The following CLHC1 variants were observed in gnomAD, a reference collection of about 807,000 sequenced individuals.
CLHC1 encodes the protein clathrin heavy chain linker domain-containing protein 1.
A neutral mutation model predicts 69.5 loss-of-function variants in CLHC1; 72 were observed. The observed-to-expected ratio is 1.04, with a 90% CI of 0.86 to 1.26. The LOEUF (loss-of-function observed/expected upper bound fraction) is 1.26, where lower values mean the gene tolerates loss of function less well. Among genes scored for constraint, CLHC1 ranks in the 50% most tolerant of loss-of-function variants. CLHC1 has a pLI of 0.00. For synonymous variants in CLHC1, 223 were observed against 224.3 expected (o/e 0.99, Z 0.05); for missense variants, 790 against 679.3 (o/e 1.16, Z -1.81).
intron 4 of CLHC1, chr2:55,215,224 A>G (rs1222492459): frequency 6.6e-6 from 1 of 152,228 alleles, no homozygotes; most frequent in Non-Finnish European, 1.5e-5. Context: ...TACAGAATAT[A>G]TTTTTAAAAA....
intron 1 of CLHC1, among the ~76,000 whole-genome samples, chr2:55,228,759 G>A (rs1674959535): frequency 6.6e-6 from 1 of 152,178 alleles, no homozygotes; most frequent in Non-Finnish European, 1.5e-5. Flanking sequence ...CCTATTGTTT[G>A]TCTGCCATTA....
intron 3 of CLHC1, among the ~76,000 whole-genome samples, 192 bp downstream of exon 3, chr2:55,222,043 G>A (rs534319749): frequency 3.3e-5 from 5 of 152,160 alleles, no homozygotes; most frequent in Non-Finnish European, 7.3e-5. Context: ...CTCATTCACA[G>A]TCAGGAAATA....
rs1239862152 is a variant in CLHC1 at position 55,175,604 on chromosome 2, G to A, written c.*186C>T. 3.8e-6 allele frequency: 2 copies of A among 528,966 alleles called. No homozygotes were observed. The highest frequency in any genetic ancestry group is 6.7e-6 in the Non-Finnish European group (2 of 299,464). The allele number at this position is 528,966 out of a possible 1,614,324, so 32.8% of individuals were successfully genotyped here. Reference sequence around the variant, plus strand: ...TCAATATAAGAAATGACCATATGGGGAAAAGGAAGCAATAGTATAAATATT... The same window carrying A: ...TCAATATAAGAAATGACCATATGGGAAAAAGGAAGCAATAGTATAAATATT... On this transcript the variant is annotated 3_prime_UTR_variant, in exon 13 of 13. Coordinates refer to ENST00000401408, the MANE Select transcript of CLHC1 (RefSeq NM_152385.4).
intron 8 of CLHC1, among the ~76,000 whole-genome samples, chr2:55,207,735 G>GA (rs1672585042): frequency 6.6e-6 from 1 of 152,124 alleles, no homozygotes; most frequent in South Asian, 2.1e-4. Flanking sequence ...AAAAAGGAGG[G>GA]AAAAGGAATT....
At chr2:55,177,063 C>T (rs965215458) in intron 12 of CLHC1, among the ~76,000 whole-genome samples, 25 of 152,102 alleles carry the variant, frequency 1.6e-4, no homozygotes, top group Admixed American at 9.8e-4. Context: ...CATAGAGACA[C>T]GGTTTTGCCA....
At chr2:55,221,017 C>T (rs1322185321) in intron 3 of CLHC1, among the ~76,000 whole-genome samples, 3 of 152,148 alleles carry the variant, frequency 2.0e-5, no homozygotes, top group African/African-American at 7.2e-5. Flanking sequence ...ATCAACTTTC[C>T]TTATTCTACT....
intron 8 of CLHC1, 92 bp from the exon 9 acceptor site, chr2:55,206,468 G>T: frequency 1.4e-6 from 1 of 708,982 alleles, no homozygotes. Flanking sequence ...TAAATATAGC[G>T]GCATAACGAT....
At chr2:55,195,518 ATGGCCGGGCATGGC>A (rs1293189318) in intron 9 of CLHC1, among the ~76,000 whole-genome samples, 1 of 152,138 alleles carries the variant, frequency 6.6e-6, no homozygotes, top group Non-Finnish European at 1.5e-5. Context: ...AACTGTCTAC[ATGGCCGGGCATGGC>A]GGCTCACACC....
intron 4 of CLHC1, among the ~76,000 whole-genome samples, chr2:55,214,065 G>A (rs1673257146): frequency 6.6e-6 from 1 of 152,154 alleles, no homozygotes; most frequent in African/African-American, 2.4e-5. Context: ...TTGCTTCACA[G>A]GATTCTTGCT....
In CLHC1 at chr2:55,175,917, A is replaced by G. The variant is rs181161794; in HGVS notation, c.1634T>C (p.Ile545Thr). ...SIEKWQEVAN[I>T]CSQNGFDKLS... The stretch of plus-strand genomic sequence containing the variant: ...TTTGTCAAAGCCATTCTGTGAACAT[A>G]TATTTGCCACTTCTTGCCACTTTTC... Residue 545 changes from isoleucine to threonine, a missense_variant, in exon 13 of 13, where the codon ATA (isoleucine) becomes ACA (threonine). Physicochemically the swap from Ile to Thr is moderately conservative, Grantham distance 89. Transcript: ENST00000401408. 1 of 1,613,962 alleles carries G rather than the reference A, an allele frequency of 6.2e-7. No individual in the cohort carries two copies. Among genetic ancestry groups the G allele is most frequent in the Admixed American group, 1.7e-5 (1 of 60,012 alleles).
At chr2:55,189,288 A>G (rs1376623982) in intron 9 of CLHC1, among the ~76,000 whole-genome samples, 1 of 152,218 alleles carries the variant, frequency 6.6e-6, no homozygotes, top group Non-Finnish European at 1.5e-5. Context: ...AAAATAATTG[A>G]GAAAAATATA....
intron 4 of CLHC1, 83 bp from the exon 5 acceptor site, chr2:55,212,889 ATTACT>A (rs1673151552): frequency 9.3e-7 from 1 of 1,076,740 alleles, no homozygotes; most frequent in African/African-American, 1.6e-5. Context: ...AGGTTAAATC[ATTACT>A]TTATTTTGAA....
At chr2:55,182,910 C>T (rs1370102712) in intron 9 of CLHC1, among the ~76,000 whole-genome samples, 2 of 152,068 alleles carry the variant, frequency 1.3e-5, no homozygotes, top group Non-Finnish European at 2.9e-5. Flanking sequence ...GTAATACCTC[C>T]TGAATCAATA....
At chr2:55,209,936 A>G (rs1400863888) in intron 5 of CLHC1, 105 bp from the exon 6 acceptor site, 24 of 692,970 alleles carry the variant, frequency 3.5e-5, no homozygotes, top group South Asian at 2.4e-4. Flanking sequence ...GAAACAATTT[A>G]GAAATGATAG....
intron 9 of CLHC1, among the ~76,000 whole-genome samples, chr2:55,184,262 C>T (rs749865732): frequency 2.6e-5 from 4 of 152,032 alleles, no homozygotes; most frequent in African/African-American, 4.8e-5. Context: ...TGTGCCACCA[C>T]GGCCGGCTAA....
rs1056530584 is a variant in CLHC1 at position 55,206,382 on chromosome 2, G to A, written c.900-6C>T. 3 of 1,514,016 alleles carry A rather than the reference G, an allele frequency of 2.0e-6. No homozygotes were observed. The African/African-American group carries it at 4.1e-5, about 21-fold the overall frequency. 93.8% of individuals were successfully genotyped at this position (1,514,016 alleles called of 1,614,324 possible). On this transcript the variant is annotated splice_polypyrimidine_tract_variant and splice_region_variant and intron_variant, in intron 8 of 12. Transcript: ENST00000401408. ...GTGAGATTAACTCATTAAACCTATA[G>A]CCATCACATTTTAAAATGCATTATA...
chr2:55,223,792 A>C (rs1674412376), intron 2 of CLHC1, among the ~76,000 whole-genome samples: 1 of 150,378 alleles, frequency 6.6e-6, no homozygotes, highest in African/African-American at 2.4e-5. Context: ...CCGCGATCGG[A>C]TCGTAACTTT....
At chr2:55,222,038 TCA>T (rs1674175533) in intron 3 of CLHC1, among the ~76,000 whole-genome samples, 195 bp downstream of exon 3, 1 of 152,210 alleles carries the variant, frequency 6.6e-6, no homozygotes, top group East Asian at 1.9e-4. Flanking sequence ...AAACACTCAT[TCA>T]CAGTCAGGAA....
chr2:55,206,215 A>G (rs1023532322), intron 9 of CLHC1, 55 bp downstream of exon 9: 2 of 1,014,268 alleles, frequency 2.0e-6, no homozygotes, highest in Non-Finnish European at 3.0e-6. Context: ...CTATTTTATG[A>G]GAGAAAAAGT....
Sources: gnomAD v4.1 joint callset for allele counts (sites outside exome capture counted in the v4.1 genomes callset) on GRCh38, gnomAD v4.1.1 for gene constraint, MANE v1.5 for transcripts, NCBI Gene and HGNC (gene_info 2026-07-23, HGNC 2026-07-21) for gene names.